Variants in LIPA observed in about 807,000 individuals in gnomAD.
The protein encoded by LIPA is lysosomal acid lipase/cholesteryl ester hydrolase.
A neutral mutation model predicts 40.6 loss-of-function variants in LIPA; 26 were observed. That is an observed-to-expected ratio of 0.64 (90% CI 0.47 to 0.89). LIPA has a LOEUF of 0.89. Among genes scored for constraint, LIPA ranks in the 40% least tolerant of loss-of-function variants. The pLI, the probability that LIPA is intolerant of heterozygous loss-of-function variation, is 0.00. For missense variants in LIPA, 455 were observed against 479.6 expected, an observed-to-expected ratio of 0.95 and a Z score of 0.48; for synonymous variants, 188 against 168.4, an observed-to-expected ratio of 1.12 and a Z score of -0.90.
intron 1 of LIPA, among the ~76,000 whole-genome samples, chr10:89,332,890 T>C (rs1843671670): frequency 6.6e-6 from 1 of 152,164 alleles, no homozygotes; most frequent in Non-Finnish European, 1.5e-5. Flanking sequence ...CATGCTCAGA[T>C]GCTTTCAGGT....
At position 89,226,836 on chromosome 10, in the gene LIPA, A is replaced by G. The variant is rs1248606361; in HGVS notation, c.538+59T>C. 3.0e-6 allele frequency: 3 copies of G among 1,010,716 alleles called. No individual in the cohort carries two copies. The African/African-American group carries it at 4.8e-5, about 16-fold the overall frequency. 62.6% of individuals were successfully genotyped at this position (1,010,716 alleles called of 1,614,324 possible). A position where few individuals can be genotyped will look rare whatever the true frequency, so the allele number is the denominator to read the frequency against. ...TCTTTTTATATTTCACTTTTAAGAA[A>G]AGTACAAACTCTGTAATGAAGAATT... On this transcript the variant is annotated intron_variant, in intron 5 of 9. Transcript: ENST00000336233.
intron 2 of LIPA, among the ~76,000 whole-genome samples, chr10:89,409,124 T>C (rs560343742): frequency 5.9e-5 from 9 of 152,294 alleles, no homozygotes; most frequent in East Asian, 3.9e-4. Context: ...AGAGGGTCAA[T>C]TGATTCTAAA....
At chr10:89,240,458 T>C (rs1446112533) in intron 3 of LIPA, among the ~76,000 whole-genome samples, 1 of 152,194 alleles carries the variant, frequency 6.6e-6, no homozygotes, top group East Asian at 1.9e-4. Flanking sequence ...TATGTATTTA[T>C]TCATTAATAT....
At chr10:89,216,111 C>T (rs986531711) in intron 8 of LIPA, 102 bp from the exon 9 acceptor site, 7 of 788,976 alleles carry the variant, frequency 8.9e-6, no homozygotes, top group South Asian at 5.5e-5. Flanking sequence ...CAACTTTATA[C>T]CAATATCCAG....
At chr10:89,304,489 A>T (rs949499012) in intron 1 of LIPA, among the ~76,000 whole-genome samples, 4 of 152,212 alleles carry the variant, frequency 2.6e-5, no homozygotes, top group Admixed American at 1.3e-4. Context: ...CATATGTTTC[A>T]TAAGTGATCC....
intron 1 of LIPA, among the ~76,000 whole-genome samples, chr10:89,260,372 C>T (rs905469848): frequency 6.6e-6 from 1 of 152,222 alleles, no homozygotes; most frequent in Non-Finnish European, 1.5e-5. Flanking sequence ...ATACCTGGCT[C>T]CTGCCCTCAG....
intron 2 of LIPA, chr10:89,393,222 C>T: frequency 7.8e-7 from 1 of 1,289,842 alleles, no homozygotes; most frequent in Non-Finnish European, 1.0e-6. Flanking sequence ...AGCTCACAGC[C>T]TTCCTCCATA....
chr10:89,327,147 A>G (rs1270488061), intron 1 of LIPA, among the ~76,000 whole-genome samples: 1 of 152,270 alleles, frequency 6.6e-6, no homozygotes, highest in Non-Finnish European at 1.5e-5. Context: ...GACAATCATT[A>G]GAAAGGAATG....
chr10:89,233,362 A>G (rs1044528969), intron 3 of LIPA, among the ~76,000 whole-genome samples: 16 of 152,258 alleles, frequency 1.1e-4, no homozygotes, highest in Admixed American at 8.5e-4. Flanking sequence ...TGATGAAGAA[A>G]GGTAAACGTC....
intron 2 of LIPA, 133 bp downstream of exon 2, chr10:89,247,405 A>T: frequency 3.5e-6 from 2 of 563,560 alleles, no homozygotes; most frequent in Non-Finnish European, 6.2e-6. Context: ...AAAAAAAAAA[A>T]AAAAAATTCA....
chr10:89,309,593 G>C (rs1301233742), intron 1 of LIPA, among the ~76,000 whole-genome samples: 1 of 152,136 alleles, frequency 6.6e-6, no homozygotes, highest in Non-Finnish European at 1.5e-5. Flanking sequence ...AGGACCCTTG[G>C]TACCTGTGTG....
At chr10:89,256,277 G>T (rs1476929361), upstream of LIPA, among the ~76,000 whole-genome samples, 1 of 152,218 alleles carries the variant, frequency 6.6e-6, no homozygotes, top group Admixed American at 6.5e-5. Flanking sequence ...TAGGGACTAG[G>T]ATATATAGAT....
At chr10:89,323,251 T>C (rs569710647) in intron 1 of LIPA, among the ~76,000 whole-genome samples, 1 of 152,158 alleles carries the variant, frequency 6.6e-6, no homozygotes, top group Non-Finnish European at 1.5e-5. Context: ...CCATTAATGT[T>C]AAAAATCCTC....
At chr10:89,227,962 C>G (rs899894400) in intron 4 of LIPA, among the ~76,000 whole-genome samples, 3 of 152,146 alleles carry the variant, frequency 2.0e-5, no homozygotes, top group Non-Finnish European at 4.4e-5. Flanking sequence ...ACCAGAAATG[C>G]CGAAGTAACT....
upstream of LIPA, chr10:89,251,824 G>C (rs1464283724): frequency 6.6e-6 from 1 of 152,434 alleles, no homozygotes; most frequent in Non-Finnish European, 1.5e-5. Flanking sequence ...CAGGGGGCCT[G>C]GTCTGCCTTG....
intron 1 of LIPA, among the ~76,000 whole-genome samples, chr10:89,268,991 A>AC (rs1383078571): frequency 6.7e-6 from 1 of 149,478 alleles, no homozygotes; most frequent in Admixed American, 6.7e-5. Context: ...GTCTCAAAAA[A>AC]AAAAAAGTAT....
intron 5 of LIPA, 131 bp from the exon 6 acceptor site, chr10:89,225,359 A>C: frequency 9.4e-7 from 1 of 1,064,718 alleles, no homozygotes; most frequent in Non-Finnish European, 1.4e-6. Context: ...CACCAGCAGG[A>C]GCCAAAACAC....
chr10:89,288,731 A>G (rs1843354675), intron 1 of LIPA, among the ~76,000 whole-genome samples: 1 of 152,126 alleles, frequency 6.6e-6, no homozygotes, highest in African/African-American at 2.4e-5. Flanking sequence ...CCTATCATTG[A>G]GGCTACCACT....
At chr10:89,400,221 C>T (rs1181637898) in intron 2 of LIPA, among the ~76,000 whole-genome samples, 1 of 152,154 alleles carries the variant, frequency 6.6e-6, no homozygotes, top group African/African-American at 2.4e-5. Flanking sequence ...AGACATCCAA[C>T]TTTGTTCTTC....
Sources: gnomAD v4.1 joint callset for allele counts (sites outside exome capture counted in the v4.1 genomes callset) on GRCh38, gnomAD v4.1.1 for gene constraint, MANE v1.5 for transcripts, NCBI Gene and HGNC (gene_info 2026-07-23, HGNC 2026-07-21) for gene names.